The following WDR47 variants were observed in gnomAD, a reference collection of about 807,000 sequenced individuals.
The protein encoded by WDR47 is WD repeat-containing protein 47.
Under a neutral mutation model 97.2 loss-of-function variants are expected in WDR47, and 32 were observed. The ratio of observed to expected loss-of-function variants is 0.33; its 90% CI spans 0.25 to 0.44. WDR47 has a LOEUF of 0.44. Among genes scored for constraint, WDR47 ranks in the 20% least tolerant of loss-of-function variants. WDR47 has a pLI of 1.00. For synonymous variants in WDR47, 375 were observed against 373.5 expected (o/e 1.00, Z -0.05); for missense variants, 782 against 1,102.3 (o/e 0.71, Z 4.11).
At chr1:109,017,285 C>T (rs897213015) in intron 3 of WDR47, among the ~76,000 whole-genome samples, 1 of 152,070 alleles carries the variant, frequency 6.6e-6, no homozygotes, top group Admixed American at 6.6e-5. Context: ...CCTGTATAGT[C>T]CCAGCTACTT....
In WDR47 at chr1:108,971,531, G is replaced by A; in HGVS notation, c.2659C>T (p.His887Tyr). ...KQLPIMVVGE[H>Y]KDKVIQCRWH... ...CTGCACTGAATCACTTTGTCCTTGT[G>A]CTCCCCCACCACCATGATAGGAAGC... The change falls in exon 15 of 15, where the codon CAC becomes TAC. Residue 887 changes from histidine to tyrosine, a missense_variant. Coordinates refer to ENST00000369962, the MANE Select transcript of WDR47 (RefSeq NM_001142551.2). 6.2e-7 allele frequency: 1 copy of A among 1,614,122 alleles called. No homozygotes were observed. Among genetic ancestry groups the A allele is most frequent in the Non-Finnish European group, 8.5e-7 (1 of 1,180,032 alleles).
intron 1 of WDR47, among the ~76,000 whole-genome samples, chr1:109,027,663 A>C (rs1296026961): frequency 6.6e-6 from 1 of 152,024 alleles, no homozygotes; most frequent in Non-Finnish European, 1.5e-5. Flanking sequence ...AGCTGGGATC[A>C]CAGGTGCCTG....
At chr1:109,030,046 C>T (rs930861283) in intron 1 of WDR47, 3 of 474,180 alleles carry the variant, frequency 6.3e-6, no homozygotes, top group Non-Finnish European at 3.6e-6. Flanking sequence ...CTGGCAGTGA[C>T]GACCTACCCA....
intron 5 of WDR47, 87 bp from the exon 6 acceptor site, chr1:109,004,802 A>G (rs1660471712): frequency 1.4e-6 from 2 of 1,413,616 alleles, no homozygotes; most frequent in South Asian, 1.6e-5. Flanking sequence ...TTATTTTATT[A>G]TTATTATTTT....
chr1:109,036,664 G>A (rs985714106), intron 1 of WDR47, among the ~76,000 whole-genome samples: 5 of 151,738 alleles, frequency 3.3e-5, no homozygotes, highest in African/African-American at 7.3e-5. Context: ...GTGAAACCCC[G>A]TCTCTACTAA....
chr1:109,038,176 T>A (rs1159523981), intron 1 of WDR47, among the ~76,000 whole-genome samples: 2 of 152,098 alleles, frequency 1.3e-5, no homozygotes, highest in Non-Finnish European at 2.9e-5. Flanking sequence ...TGTTGACTTG[T>A]AAAATGAGAA....
At chr1:109,014,295 T>C (rs1258684280) in intron 3 of WDR47, among the ~76,000 whole-genome samples, 4 of 152,138 alleles carry the variant, frequency 2.6e-5, no homozygotes, top group African/African-American at 9.7e-5. Flanking sequence ...TAAATACATA[T>C]ACATTGTAGA....
At chr1:108,994,048 G>C (rs1490994708) in intron 8 of WDR47, among the ~76,000 whole-genome samples, 5 of 152,174 alleles carry the variant, frequency 3.3e-5, no homozygotes, top group Non-Finnish European at 7.4e-5. Flanking sequence ...ATAAGGGATA[G>C]ACAAAGTGAG....
At chr1:109,039,944 G>A (rs1663229302) in intron 1 of WDR47, among the ~76,000 whole-genome samples, 1 of 150,032 alleles carries the variant, frequency 6.7e-6, no homozygotes. Flanking sequence ...GCTGAGGCAG[G>A]AGAATCGCTT....
chr1:109,041,352 G>A (rs1663349835), intron 1 of WDR47, among the ~76,000 whole-genome samples: 1 of 152,172 alleles, frequency 6.6e-6, no homozygotes, highest in South Asian at 2.1e-4. Flanking sequence ...ATTGATGTGA[G>A]AAAGGCCAAA....
intron 1 of WDR47, chr1:109,030,334 A>G: frequency 1.3e-6 from 1 of 770,090 alleles, no homozygotes; most frequent in Non-Finnish European, 2.1e-6. Flanking sequence ...ACTCTGAATC[A>G]AGATGAGTGG....
chr1:108,987,223 T>G (rs1045199204), intron 9 of WDR47: 1 of 167,658 alleles, frequency 6.0e-6, no homozygotes, highest in Non-Finnish European at 1.4e-5. Context: ...ACTATGTTCA[T>G]GTTAACGTCC....
rs1448365936 is a variant in WDR47, at chr1:108,995,586, C to T, written c.1685G>A (p.Ser562Asn). Reference protein sequence around the residue: ...IPFLEESPCGSQISSEHSVIK... With the variant: ...IPFLEESPCGNQISSEHSVIK... ...TACAAAGTCAAGCACTTACATTTGGCTTCCACAAGGTGATTCCTCCAGAAA... is the reference window on the plus strand; with the variant it reads ...TACAAAGTCAAGCACTTACATTTGGTTTCCACAAGGTGATTCCTCCAGAAA... Residue 562 changes from serine (S) to asparagine (N), a missense_variant, in exon 8 of 15, where the codon AGC becomes AAC. Ser to Asn is a conservative substitution (Grantham distance 46, BLOSUM62 1). Coordinates refer to ENST00000369962, the MANE Select transcript of WDR47 (RefSeq NM_001142551.2). 8.7e-6 allele frequency: 14 copies of T among 1,613,774 alleles called. No individual in the cohort carries two copies. The Admixed American group carries it at 1.8e-4, about 21-fold the overall frequency.
intron 6 of WDR47, among the ~76,000 whole-genome samples, 161 bp downstream of exon 6, chr1:109,004,431 T>C (rs1362854280): frequency 6.6e-6 from 1 of 152,218 alleles, no homozygotes; most frequent in African/African-American, 2.4e-5. Context: ...TAGCCACATA[T>C]TCGTTGAAGA....
rs1421727785 is a variant in WDR47, at chr1:109,041,851, G to A, written c.-10+11C>T. 1 of 152,274 alleles carries A rather than the reference G, an allele frequency of 6.6e-6. No individual in the cohort carries two copies. The highest frequency in any genetic ancestry group is 2.4e-5 in the African/African-American group (1 of 41,454). 9.4% of individuals were successfully genotyped at this position (152,274 alleles called of 1,614,324 possible). The stretch of plus-strand genomic sequence containing the variant: ...GGACCGACCCAGCCTCCGACTCCCG[G>A]AGTCACCCACCTGAGGGCTCCAGGG... On this transcript the variant is annotated intron_variant, in intron 1 of 14. Transcript: ENST00000369962.
chr1:109,022,877 C>T (rs766393779), intron 2 of WDR47, among the ~76,000 whole-genome samples: 3 of 151,860 alleles, frequency 2.0e-5, no homozygotes, highest in African/African-American at 4.8e-5. Flanking sequence ...TGAGCCACCA[C>T]GCCCAGCCTA....
intron 2 of WDR47, 91 bp from the exon 3 acceptor site, chr1:109,017,692 T>A: frequency 1.1e-6 from 1 of 940,086 alleles, no homozygotes; most frequent in Non-Finnish European, 1.6e-6. Flanking sequence ...CATTCAAACT[T>A]CATAAAGCAC....
At chr1:109,020,223 A>AC (rs1428735249) in intron 2 of WDR47, among the ~76,000 whole-genome samples, 5 of 151,998 alleles carry the variant, frequency 3.3e-5, no homozygotes, top group Non-Finnish European at 7.4e-5. Context: ...TTTAAGATGA[A>AC]CATATTTAGT....
chr1:109,021,384 C>G (rs900252823), intron 2 of WDR47, among the ~76,000 whole-genome samples: 2 of 151,802 alleles, frequency 1.3e-5, no homozygotes, highest in Admixed American at 6.6e-5. Flanking sequence ...AAAAATTAGC[C>G]GGACGTGGTG....
Sources: gnomAD v4.1 joint callset for allele counts (sites outside exome capture counted in the v4.1 genomes callset) on GRCh38, gnomAD v4.1.1 for gene constraint, MANE v1.5 for transcripts, NCBI Gene and HGNC (gene_info 2026-07-23, HGNC 2026-07-21) for gene names.